RPTOR: variants seen among roughly 807,000 people sequenced by gnomAD.
RPTOR encodes regulatory-associated protein of mTOR.
A neutral mutation model predicts 169.9 loss-of-function variants in RPTOR; 21 were observed. The observed-to-expected ratio is 0.12, with a 90% CI of 0.09 to 0.18. RPTOR has a LOEUF of 0.18. Ranked by LOEUF, RPTOR falls within the 10% of genes least tolerant of loss-of-function variation. The probability of loss-of-function intolerance (pLI) is 1.00; values close to 1 mark genes in which losing one functional copy is unlikely to be tolerated. For missense variants in RPTOR, 1,133 were observed against 1,855.9 expected (o/e 0.61, Z 7.16); for synonymous variants, 732 against 753.2 (o/e 0.97, Z 0.46).
intron 6 of RPTOR, among the ~76,000 whole-genome samples, chr17:80,790,448 C>T (rs1381715635): frequency 6.6e-6 from 1 of 152,216 alleles, no homozygotes; most frequent in Non-Finnish European, 1.5e-5. Flanking sequence ...GTCTTCACAC[C>T]TCTGGCTCGT....
chr17:80,949,600 C>A, intron 28 of RPTOR, 53 bp downstream of exon 28: 1 of 1,468,356 alleles, frequency 6.8e-7, no homozygotes, highest in South Asian at 1.1e-5. Flanking sequence ...GGGCTGCGGA[C>A]GCACTCGGAA....
chr17:80,885,017 G>T lies in RPTOR; in HGVS notation c.1852G>T (p.Ala618Ser), dbSNP rs779943676. ...LSDPIPEVRCAAVFALGTFVG... is the reference protein window; with the variant it reads ...LSDPIPEVRCSAVFALGTFVG... ...CCCCGCCGCCTTGCAGGTCCGCTGC[G>T]CAGCGGTCTTCGCCCTTGGCACGTT... The change falls in exon 17 of 34, where the codon GCA becomes TCA. Residue 618 changes from alanine to serine, a missense_variant. Transcript: ENST00000306801. 6.2e-7 allele frequency: 1 copy of T among 1,609,190 alleles called. No individual in the cohort carries two copies. Among genetic ancestry groups the T allele is most frequent in the Non-Finnish European group, 8.5e-7 (1 of 1,178,604 alleles).
chr17:80,607,618 T>A (rs964995215), intron 1 of RPTOR, among the ~76,000 whole-genome samples: 9 of 149,412 alleles, frequency 6.0e-5, no homozygotes, highest in Admixed American at 1.3e-4. Context: ...TATATATATA[T>A]AATTATTTTT....
chr17:80,563,242 A>G (rs2084524509), intron 1 of RPTOR, among the ~76,000 whole-genome samples: 1 of 151,626 alleles, frequency 6.6e-6, no homozygotes, highest in African/African-American at 2.4e-5. Flanking sequence ...TATTTTTGAG[A>G]CAGGGCCTTG....
intron 2 of RPTOR, among the ~76,000 whole-genome samples, chr17:80,626,802 TTATTATTA>T (rs2065398804): frequency 2.7e-5 from 4 of 148,578 alleles, no homozygotes; most frequent in African/African-American, 9.9e-5. Flanking sequence ...ATTATTATTA[TTATTATTA>T]TTTTTCATTC....
At chr17:80,917,268 A>G (rs1404422877) in intron 21 of RPTOR, among the ~76,000 whole-genome samples, 1 of 151,828 alleles carries the variant, frequency 6.6e-6, no homozygotes, top group East Asian at 1.9e-4. Flanking sequence ...ACGCGCTACC[A>G]TGCCCAGCTA....
At chr17:80,565,015 G>C (rs1261351125) in intron 1 of RPTOR, among the ~76,000 whole-genome samples, 1 of 151,980 alleles carries the variant, frequency 6.6e-6, no homozygotes, top group African/African-American at 2.4e-5. Flanking sequence ...TTTCTTATCT[G>C]ATCTGTCATT....
At chr17:80,867,923 A>G (rs1193150953) in intron 13 of RPTOR, among the ~76,000 whole-genome samples, 1 of 152,246 alleles carries the variant, frequency 6.6e-6, no homozygotes, top group East Asian at 1.9e-4. Flanking sequence ...TGAGATCCAC[A>G]TGGAAATACA....
At chr17:80,864,036 C>T (rs993396557) in intron 13 of RPTOR, among the ~76,000 whole-genome samples, 38 of 152,240 alleles carry the variant, frequency 2.5e-4, no homozygotes, top group Admixed American at 7.2e-4. Context: ...AGTGACATAA[C>T]GTACTATTTG....
chr17:80,829,745 C>T (rs1048251199), intron 9 of RPTOR, among the ~76,000 whole-genome samples: 4 of 152,208 alleles, frequency 2.6e-5, no homozygotes, highest in South Asian at 2.1e-4. Flanking sequence ...CCCTCCTGTG[C>T]GTGTCCAAGG....
At chr17:80,840,815 C>T (rs1472208461) in intron 10 of RPTOR, among the ~76,000 whole-genome samples, 2 of 138,852 alleles carry the variant, frequency 1.4e-5, no homozygotes, top group African/African-American at 5.5e-5. Flanking sequence ...CTCACTCTCA[C>T]CACGCCGCAG....
intron 14 of RPTOR, among the ~76,000 whole-genome samples, chr17:80,881,449 T>A (rs948474355): frequency 6.6e-6 from 1 of 152,158 alleles, no homozygotes; most frequent in African/African-American, 2.4e-5. Context: ...GGCGCGAGGG[T>A]GAGCTAAGCT....
chr17:80,860,109 C>A lies in RPTOR; in HGVS notation c.1509+2209C>A, dbSNP rs1234493694. 6.6e-6 allele frequency among the ~76,000 whole-genome samples: 1 copy of A among 152,202 alleles called. No homozygotes were observed. Among genetic ancestry groups the A allele is most frequent in the South Asian group, 2.1e-4 (1 of 4,828 alleles). ...AGGGGAGAGTGGACGGAGCTTAAGC[C>A]CCCGGGGCTCCTGCCTGCTGCCCGG... is the stretch of plus-strand genomic sequence containing the variant. On this transcript the variant is annotated intron_variant, in intron 13 of 33. Coordinates refer to ENST00000306801, the MANE Select transcript of RPTOR (RefSeq NM_020761.3). This position sits in a 1 kb window ranked among gnomAD's most constrained non-coding sequence, Gnocchi z 5.8.
intron 1 of RPTOR, among the ~76,000 whole-genome samples, chr17:80,552,977 C>T (rs1012377984): frequency 2.0e-5 from 3 of 152,224 alleles, no homozygotes; most frequent in Admixed American, 6.5e-5. Flanking sequence ...GGGGCTTCTC[C>T]TAGACCCTTG....
intron 3 of RPTOR, among the ~76,000 whole-genome samples, chr17:80,685,529 C>G (rs758100696): frequency 6.9e-6 from 1 of 145,768 alleles, no homozygotes; most frequent in Non-Finnish European, 1.5e-5. Flanking sequence ...CATCCTTGGC[C>G]TCCCAAAGTG....
intron 7 of RPTOR, among the ~76,000 whole-genome samples, chr17:80,801,467 A>G (rs965140142): frequency 3.3e-5 from 5 of 152,090 alleles, no homozygotes; most frequent in African/African-American, 1.2e-4. Context: ...GGCTGTGTGA[A>G]CAGAGCACGG....
chr17:80,667,452 GC>G (rs2065789408), intron 3 of RPTOR, among the ~76,000 whole-genome samples: 1 of 152,220 alleles, frequency 6.6e-6, no homozygotes, highest in Non-Finnish European at 1.5e-5. Context: ...CGCCTTCCTT[GC>G]TGACAAGTGC....
chr17:80,716,283 A>G (rs530451620), intron 4 of RPTOR, among the ~76,000 whole-genome samples: 4 of 152,088 alleles, frequency 2.6e-5, no homozygotes, highest in Non-Finnish European at 5.9e-5. Flanking sequence ...GGTGGTATCT[A>G]TTGCATTGTG....
intron 1 of RPTOR, among the ~76,000 whole-genome samples, chr17:80,621,962 G>A (rs775898121): frequency 5.3e-5 from 8 of 152,370 alleles, no homozygotes; most frequent in Middle Eastern, 6.8e-3. Flanking sequence ...CAGCAGGTGG[G>A]TGTCTCAGAT....
Sources: allele counts gnomAD v4.1 joint callset (sites outside exome capture counted in the v4.1 genomes callset), GRCh38; gene constraint gnomAD v4.1.1; non-coding constraint Gnocchi (gnomAD v3.1); transcripts MANE v1.5; gene names NCBI Gene and HGNC (gene_info 2026-07-23, HGNC 2026-07-21).